Variants in PTPRG observed in about 807,000 individuals in gnomAD.
PTPRG encodes the protein receptor-type tyrosine-protein phosphatase gamma.
A neutral mutation model predicts 165.3 loss-of-function variants in PTPRG; 102 were observed. That is an observed-to-expected ratio of 0.62 (90% CI 0.53 to 0.73). The LOEUF is 0.73. Ranked by LOEUF, PTPRG falls within the 30% of genes least tolerant of loss-of-function variation. PTPRG has a pLI of 0.00. For synonymous variants in PTPRG, 675 were observed against 669.5 expected (o/e 1.01, Z -0.13); for missense variants, 1,866 against 1,861.4 (o/e 1.00, Z -0.05).
intron 8 of PTPRG, among the ~76,000 whole-genome samples, chr3:62,188,813 G>A (rs1432890637): frequency 1.3e-5 from 2 of 152,066 alleles, no homozygotes; most frequent in African/African-American, 2.4e-5. Flanking sequence ...ATGGTGGGAG[G>A]TGAGAAAAGA....
intron 2 of PTPRG, among the ~76,000 whole-genome samples, chr3:61,943,513 G>C (rs2039683724): frequency 6.6e-6 from 1 of 152,200 alleles, no homozygotes; most frequent in Non-Finnish European, 1.5e-5. Flanking sequence ...AGGAGGCAGA[G>C]GTTTCAGTGA....
At chr3:61,711,399 T>G (rs902294801) in intron 1 of PTPRG, among the ~76,000 whole-genome samples, 3 of 152,232 alleles carry the variant, frequency 2.0e-5, no homozygotes, top group African/African-American at 7.2e-5. Flanking sequence ...CAGTGTAAAG[T>G]GTTCCTATTT....
chr3:61,823,316 A>G (rs1325253503), intron 2 of PTPRG, among the ~76,000 whole-genome samples: 1 of 152,096 alleles, frequency 6.6e-6, no homozygotes, highest in African/African-American at 2.4e-5. Flanking sequence ...TCAGCCTCCT[A>G]AGTAGCTGAG....
chr3:61,562,429 A>AGT, intron 1 of PTPRG, 57 bp downstream of exon 1: 1 of 1,558,104 alleles, frequency 6.4e-7, no homozygotes, highest in Non-Finnish European at 8.8e-7. Context: ...GGGGATGCGG[A>AGT]GTTGTCGCCT....
chr3:61,898,326 AT>A, intron 2 of PTPRG, among the ~76,000 whole-genome samples: 1 of 152,272 alleles, frequency 6.6e-6, no homozygotes, highest in East Asian at 1.9e-4. Context: ...AAGTGCTGGG[AT>A]TACAGGTGTG....
intron 2 of PTPRG, among the ~76,000 whole-genome samples, chr3:61,777,442 C>T (rs2034420559): frequency 6.6e-6 from 1 of 152,174 alleles, no homozygotes; most frequent in Admixed American, 6.5e-5. Context: ...CTTTATTAAG[C>T]ACCTATTAGG....
At chr3:62,197,911 C>T (rs1185483025) in intron 10 of PTPRG, among the ~76,000 whole-genome samples, 3 of 152,214 alleles carry the variant, frequency 2.0e-5, no homozygotes, top group Admixed American at 1.3e-4. Context: ...CAGAGGTGGA[C>T]GTGAGTTTAC....
intron 2 of PTPRG, among the ~76,000 whole-genome samples, chr3:61,989,189 C>G (rs2107692348): frequency 6.6e-6 from 1 of 152,110 alleles, no homozygotes; most frequent in African/African-American, 2.4e-5. Flanking sequence ...TTTTTTTTCC[C>G]TTTTTCATGT....
chr3:61,603,247 T>C (rs1700915005), intron 1 of PTPRG, among the ~76,000 whole-genome samples: 1 of 151,424 alleles, frequency 6.6e-6, no homozygotes, highest in South Asian at 2.1e-4. Flanking sequence ...TCATGTTGAA[T>C]TGTAATTCAG....
rs2106677384 is a variant in PTPRG, at chr3:62,150,761, T to G, written c.683-6306T>G. On this transcript the variant is annotated intron_variant, in intron 6 of 29. Coordinates refer to ENST00000474889, the MANE Select transcript of PTPRG (RefSeq NM_002841.4). ...GGGCTTTCATACACTTTCCTAAAAT[T>G]AATTGGTCCTTTGTTTAGGGAATGC... Among the ~76,000 whole-genome samples, 2 of 152,296 alleles carry G rather than the reference T, an allele frequency of 1.3e-5. 1 individual carries two copies. Among genetic ancestry groups the G allele is most frequent in the South Asian group, 4.1e-4 (2 of 4,824 alleles).
At chr3:61,675,359 G>A (rs1199226971) in intron 1 of PTPRG, among the ~76,000 whole-genome samples, 1 of 152,130 alleles carries the variant, frequency 6.6e-6, no homozygotes, top group Non-Finnish European at 1.5e-5. Flanking sequence ...TGGAAGTCAT[G>A]GTTGAGGTTG....
intron 4 of PTPRG, among the ~76,000 whole-genome samples, chr3:62,047,092 T>A (rs773475331): frequency 4.6e-5 from 7 of 152,150 alleles, no homozygotes; most frequent in Non-Finnish European, 1.0e-4. Flanking sequence ...GTTTGCAAGC[T>A]TCATTTCAAA....
chr3:61,684,881 G>T (rs1238472633), intron 1 of PTPRG, among the ~76,000 whole-genome samples: 2 of 152,184 alleles, frequency 1.3e-5, no homozygotes, highest in Non-Finnish European at 2.9e-5. Flanking sequence ...TGGTGAAGAT[G>T]ATCGTGATAT....
intron 2 of PTPRG, among the ~76,000 whole-genome samples, chr3:61,809,599 C>A (rs2035513912): frequency 6.6e-6 from 1 of 152,036 alleles, no homozygotes; most frequent in African/African-American, 2.4e-5. Flanking sequence ...TAACACTGAC[C>A]ACATAGGGGC....
chr3:61,972,543 C>T (rs1004107149), intron 2 of PTPRG, among the ~76,000 whole-genome samples: 8 of 152,046 alleles, frequency 5.3e-5, no homozygotes, highest in African/African-American at 1.7e-4. Flanking sequence ...ATTTCTAGGA[C>T]AGGTGATCCA....
chr3:61,941,622 CA>C (rs2039631347), intron 2 of PTPRG, among the ~76,000 whole-genome samples: 1 of 151,650 alleles, frequency 6.6e-6, no homozygotes. Flanking sequence ...TCCATCTCAA[CA>C]AAACAAAACA....
chr3:61,749,143 G>A, intron 2 of PTPRG, 161 bp downstream of exon 2: 1 of 717,514 alleles, frequency 1.4e-6, no homozygotes, highest in Non-Finnish European at 2.5e-6. Context: ...TTTCCTCAAG[G>A]TTATAAGCAC....
At chr3:61,784,230 A>G (rs889791459) in intron 2 of PTPRG, among the ~76,000 whole-genome samples, 1 of 152,164 alleles carries the variant, frequency 6.6e-6, no homozygotes, top group African/African-American at 2.4e-5. Flanking sequence ...TCCTATTCCC[A>G]GCAGCTGATC....
intron 4 of PTPRG, among the ~76,000 whole-genome samples, chr3:62,013,219 C>T (rs1300005670): frequency 2.0e-5 from 3 of 152,080 alleles, no homozygotes; most frequent in East Asian, 3.9e-4. Context: ...ATCGCTGAGA[C>T]ATAGTACATT....
Sources: gnomAD v4.1 joint callset for allele counts (sites outside exome capture counted in the v4.1 genomes callset) on GRCh38, gnomAD v4.1.1 for gene constraint, MANE v1.5 for transcripts, NCBI Gene and HGNC (gene_info 2026-07-23, HGNC 2026-07-21) for gene names.